The following PRB3 variants were observed in gnomAD, a reference collection of about 807,000 sequenced individuals.
The protein encoded by PRB3 is proline rich protein BstNI subfamily 3.
Under a neutral mutation model 10.0 loss-of-function variants are expected in PRB3, and 9 were observed. The ratio of observed to expected loss-of-function variants is 0.90; its 90% confidence interval spans 0.54 to 1.57. The LOEUF (loss-of-function observed/expected upper bound fraction) is 1.57. PRB3 is among the 40% of genes most tolerant of loss of function. The pLI is 0.00. For synonymous variants in PRB3, 89 were observed against 138.6 expected, an observed-to-expected ratio of 0.64 and a Z score of 2.52; for missense variants, 285 against 385.5, an observed-to-expected ratio of 0.74 and a Z score of 2.18.
intron 2 of PRB3, 132 bp downstream of exon 2, chr12:11,268,501 G>T: frequency 8.0e-7 from 1 of 1,252,036 alleles, no homozygotes; most frequent in Non-Finnish European, 1.2e-6. Context: ...CATGAAGATT[G>T]CCTGCATTAT....
chr12:11,268,226 C>G, intron 2 of PRB3, 78 bp from the exon 3 acceptor site: 1 of 1,602,610 alleles, frequency 6.2e-7, no homozygotes, highest in Non-Finnish European at 8.5e-7. Flanking sequence ...TGGGGAAATG[C>G]ACAAAAATAA....
At chr12:11,266,421 T>C (rs1948587483) in intron 3 of PRB3, among the ~76,000 whole-genome samples, 1 of 152,200 alleles carries the variant, frequency 6.6e-6, no homozygotes, top group Non-Finnish European at 1.5e-5. Flanking sequence ...TGGAGTAGCA[T>C]AAAATTGTAA....
rs759697065 is a variant in PRB3 at position 11,267,723 on chromosome 12, G to T, written c.526C>A (p.Pro176Thr). The change falls in exon 3 of 4, where the codon CCC becomes ACC. Residue 176 changes from proline (P) to threonine (T), a missense_variant. Physicochemically the swap from Pro to Thr is conservative, Grantham distance 38. Transcript: ENST00000538488. ...PPQGGNQSQG[P>T]PPHPGKPEGP... ...TCTGGCTTTCCCGGATGAGGCGGGGGACCTTGGGACTGGTTTCCTCCTTGT... is the reference window on the plus strand; with the variant it reads ...TCTGGCTTTCCCGGATGAGGCGGGGTACCTTGGGACTGGTTTCCTCCTTGT... 7.0e-6 allele frequency: 10 copies of T among 1,436,240 alleles called. No individual in the cohort carries two copies. The highest frequency in any genetic ancestry group is 2.4e-5 in the Admixed American group (1 of 41,674). 89.0% of individuals were successfully genotyped at this position (1,436,240 alleles called of 1,614,324 possible). A position where few individuals can be genotyped will look rare whatever the true frequency, so the allele number is the denominator to read the frequency against.
chr12:11,267,270 C>A lies in PRB3; in HGVS notation c.979G>T (p.Gly327Ter). The A allele has an allele frequency of 6.2e-7, 1 of 1,613,326 alleles. No individual in the cohort carries two copies. The highest frequency in any genetic ancestry group is 8.5e-7 in the Non-Finnish European group (1 of 1,179,546). ...NPQQPLPPPA[G>*]KPQGPPPPPQ... Reference sequence around the variant, plus strand: ...GGTGGAGGTGGTCCCTGGGGCTTTCCAGCGGGAGGTGGCAGAGGCTGCTGG... The same window carrying A: ...GGTGGAGGTGGTCCCTGGGGCTTTCAAGCGGGAGGTGGCAGAGGCTGCTGG... Residue 327 changes from glycine to a stop codon, truncating the protein, a stop_gained, in exon 3 of 4, where the codon GGA becomes TGA. Coordinates refer to ENST00000538488, the MANE Select transcript of PRB3 (RefSeq NM_001394862.1). LOFTEE classifies it low-confidence loss of function (END_TRUNC).
intron 3 of PRB3, 75 bp from the exon 4 acceptor site, chr12:11,266,104 A>AC (rs1948584174): frequency 2.2e-6 from 1 of 446,566 alleles, no homozygotes; most frequent in Non-Finnish European, 4.5e-6. Context: ...CACTGGTGTT[A>AC]CTGCAGTAGA....
rs1161568742 is a variant in PRB3 at position 11,267,224 on chromosome 12, T to A, written c.1025A>T (p.His342Leu). The change falls in exon 3 of 4, where the codon CAC becomes CTC. Residue 342 changes from histidine to leucine, a missense_variant. Around this residue, in one of 3 missense-constraint regions of PRB3, gnomAD observed 108 missense variants for 106.9 expected, o/e 1.01. Coordinates refer to ENST00000538488, the MANE Select transcript of PRB3 (RefSeq NM_001394862.1). ...GGGAGGCTGTCCCTGGGGAGGTCTG[T>A]GTGGTCTGCCCCCTTGAGGAGGTGG... ...PPPPPQGGRPHRPPQGQPPQ is the reference protein window; with the variant it reads ...PPPPPQGGRPLRPPQGQPPQ 2 of 1,614,012 alleles carry A rather than the reference T, an allele frequency of 1.2e-6. No homozygotes were observed. The highest frequency in any genetic ancestry group is 2.2e-5 in the South Asian group (2 of 91,068).
At chr12:11,269,468 C>T (rs1948629084) in intron 1 of PRB3, 138 bp downstream of exon 1, 7 of 999,810 alleles carry the variant, frequency 7.0e-6, no homozygotes, top group Non-Finnish European at 1.1e-5. Flanking sequence ...AATGAGGGCA[C>T]AACAGGTCTC....
At chr12:11,268,910 T>C (rs1294165578) in intron 1 of PRB3, among the ~76,000 whole-genome samples, 1 of 152,184 alleles carries the variant, frequency 6.6e-6, no homozygotes, top group Non-Finnish European at 1.5e-5. Context: ...TTCCCTAGCA[T>C]CCTTCAAGAC....
intron 1 of PRB3, 34 bp downstream of exon 1, chr12:11,269,572 A>G: frequency 6.2e-7 from 1 of 1,611,644 alleles, no homozygotes; most frequent in East Asian, 2.2e-5. Flanking sequence ...AGCCCCAAGC[A>G]GAGTCACCAC....
rs1948630642 is a variant in PRB3 at position 11,269,645 on chromosome 12, C to T, written c.25G>A (p.Ala9Thr). 1 of 1,614,080 alleles carries T rather than the reference C, an allele frequency of 6.2e-7. No homozygotes were observed. The highest frequency in any genetic ancestry group is 2.2e-5 in the East Asian group (1 of 44,868). Residue 9 changes from alanine (A) to threonine (T), a missense_variant, in exon 1 of 4, where the codon GCC (alanine) becomes ACC (threonine). Around this residue, in one of 3 missense-constraint regions of PRB3, gnomAD observed 147 missense variants for 129.4 expected, o/e 1.14. Coordinates refer to ENST00000538488, the MANE Select transcript of PRB3 (RefSeq NM_001394862.1). ...TGAGCTGAGCTCAGGGCCAGCAGGG[C>T]CACCGACAGCAGAATCAGTAGCATC... is the stretch of plus-strand genomic sequence containing the variant. MLLILLSV[A>T]LLALSSAQSL...
chr12:11,268,546 A>T, intron 2 of PRB3, 87 bp downstream of exon 2: 2 of 1,470,354 alleles, frequency 1.4e-6, no homozygotes, highest in Non-Finnish European at 1.9e-6. Flanking sequence ...TCTAAAGGAA[A>T]ATGTTGGTGA....
chr12:11,268,208 C>T, intron 2 of PRB3, 60 bp from the exon 3 acceptor site: 2 of 1,611,684 alleles, frequency 1.2e-6, no homozygotes, highest in Admixed American at 3.3e-5. Flanking sequence ...TACAGTAACG[C>T]AGCTAAATGG....
intron 1 of PRB3, 102 bp from the exon 2 acceptor site, chr12:11,268,770 A>C: frequency 1.5e-6 from 2 of 1,352,206 alleles, no homozygotes; most frequent in Non-Finnish European, 2.1e-6. Flanking sequence ...CACCCCATGC[A>C]TCCCCTAGGT....
intron 3 of PRB3, among the ~76,000 whole-genome samples, chr12:11,266,406 C>A (rs993574385): frequency 1.3e-5 from 2 of 152,176 alleles, no homozygotes; most frequent in African/African-American, 4.8e-5. Context: ...GGTGCAGCCA[C>A]ACAATGGAGT....
intron 2 of PRB3, among the ~76,000 whole-genome samples, chr12:11,268,423 T>C (rs1230796381): frequency 4.6e-5 from 7 of 152,170 alleles, no homozygotes; most frequent in Admixed American, 1.3e-4. Flanking sequence ...ACTCCCGTTT[T>C]CATCTAAGCC....
At chr12:11,269,481 G>GATCCT in intron 1 of PRB3, 125 bp downstream of exon 1, 1 of 1,170,584 alleles carries the variant, frequency 8.5e-7, no homozygotes, top group Middle Eastern at 1.9e-4. Context: ...CAGGTCTCCT[G>GATCCT]ATCCTAGGCA....
intron 1 of PRB3, chr12:11,268,888 C>G: frequency 8.2e-6 from 5 of 611,004 alleles, no homozygotes; most frequent in Non-Finnish European, 8.7e-6. Flanking sequence ...TATAGAAGAG[C>G]CCCTTTTTTT....
In PRB3 at chr12:11,269,699, C is replaced by G; in HGVS notation, c.-30G>C. On this transcript the variant is annotated 5_prime_UTR_variant, in exon 1 of 4. Coordinates refer to ENST00000538488, the MANE Select transcript of PRB3 (RefSeq NM_001394862.1). ...CTGGAGGCTCTGGAGTCACTCCCAACTCTGTGCTGGGAGAACCATGGCAGC... is the reference window on the plus strand; with the variant it reads ...CTGGAGGCTCTGGAGTCACTCCCAAGTCTGTGCTGGGAGAACCATGGCAGC... 6.2e-7 allele frequency: 1 copy of G among 1,613,454 alleles called. No individual in the cohort carries two copies. The highest frequency in any genetic ancestry group is 8.5e-7 in the Non-Finnish European group (1 of 1,179,462).
At chr12:11,268,746 G>A (rs1948622293) in intron 1 of PRB3, 78 bp from the exon 2 acceptor site, 1 of 1,494,948 alleles carries the variant, frequency 6.7e-7, no homozygotes, top group African/African-American at 1.4e-5. Flanking sequence ...ACAGGGAAAG[G>A]GGACTTCTCA....
Sources: allele counts gnomAD v4.1 joint callset (sites outside exome capture counted in the v4.1 genomes callset), GRCh38; gene constraint gnomAD v4.1.1; regional missense constraint gnomAD v4.1.1; transcripts MANE v1.5; gene names NCBI Gene and HGNC (gene_info 2026-07-23, HGNC 2026-07-21).